Variants in CNST observed in about 807,000 individuals in gnomAD.
CNST encodes consortin.
CNST carries 39 observed loss-of-function variants against 72.4 expected under a neutral mutation model. The ratio of observed to expected loss-of-function variants is 0.54; its 90% CI spans 0.42 to 0.70. The LOEUF is 0.70. Ranked by LOEUF, CNST falls within the 30% of genes least tolerant of loss-of-function variation. The probability of loss-of-function intolerance (pLI) is 0.00; values close to 1 mark genes in which losing one functional copy is unlikely to be tolerated. For missense variants in CNST, 871 were observed against 868.5 expected, an observed-to-expected ratio of 1.00 and a Z score of -0.04; for synonymous variants, 332 against 320.1, an observed-to-expected ratio of 1.04 and a Z score of -0.40.
At chr1:246,659,245 C>G (rs1478529789) in intron 9 of CNST, among the ~76,000 whole-genome samples, 1 of 152,150 alleles carries the variant, frequency 6.6e-6, no homozygotes, top group Non-Finnish European at 1.5e-5. Flanking sequence ...CAAAAGTAGG[C>G]AGCACTGGCC....
intron 2 of CNST, among the ~76,000 whole-genome samples, chr1:246,604,884 GTC>G (rs1468907470): frequency 6.6e-6 from 1 of 152,104 alleles, no homozygotes; most frequent in Non-Finnish European, 1.5e-5. Flanking sequence ...GGCCAGGCTG[GTC>G]TCAGACTCCT....
chr1:246,568,711 G>A (rs2102996431), intron 1 of CNST, among the ~76,000 whole-genome samples: 1 of 152,146 alleles, frequency 6.6e-6, no homozygotes, highest in Middle Eastern at 3.4e-3. Context: ...CGAGTAGCTG[G>A]GATTACAGGC....
At chr1:246,630,358 A>G (rs930283231) in intron 3 of CNST, among the ~76,000 whole-genome samples, 9 of 152,286 alleles carry the variant, frequency 5.9e-5, no homozygotes, top group African/African-American at 1.9e-4. Context: ...TTATTAGAAC[A>G]ATAAGCTGGT....
chr1:246,654,261 C>T (rs1391098501), intron 9 of CNST, among the ~76,000 whole-genome samples: 1 of 152,210 alleles, frequency 6.6e-6, no homozygotes, highest in Non-Finnish European at 1.5e-5. Context: ...CACGTTTGCT[C>T]TTTTCCCTCT....
At position 246,621,528 on chromosome 1, in the gene CNST, A is replaced by G; in HGVS notation, c.479A>G (p.Asn160Ser). ...DDEEAAEVNA[N>S]EQPEAPKLVL... is the part of the protein sequence containing the mutation. ...GAAGAAGCTGCTGAAGTAAATGCTA[A>G]TGAGCAGCCAGAGGCGCCAAAGCTT... Residue 160 changes from asparagine (N) to serine (S), a missense_variant, in exon 3 of 11, where the codon AAT becomes AGT. Physicochemically the swap from Asn to Ser is conservative, Grantham distance 46. Transcript: ENST00000366513. 1 of 1,614,172 alleles carries G rather than the reference A, an allele frequency of 6.2e-7. No homozygotes were observed. The highest frequency in any genetic ancestry group is 8.5e-7 in the Non-Finnish European group (1 of 1,179,988).
chr1:246,586,212 A>G (rs1482819074), intron 1 of CNST, among the ~76,000 whole-genome samples: 1 of 147,236 alleles, frequency 6.8e-6, no homozygotes, highest in Non-Finnish European at 1.5e-5. Flanking sequence ...TTTATTATAT[A>G]GTATATATAA....
At chr1:246,572,367 T>C (rs146247418) in intron 1 of CNST, among the ~76,000 whole-genome samples, 72 of 152,394 alleles carry the variant, frequency 4.7e-4, no homozygotes, top group African/African-American at 1.7e-3. Flanking sequence ...ATACTGCTTA[T>C]ATTTTGATTT....
chr1:246,632,094 A>C (rs1248410450), intron 4 of CNST, among the ~76,000 whole-genome samples, 170 bp downstream of exon 4: 2 of 152,186 alleles, frequency 1.3e-5, no homozygotes, highest in African/African-American at 4.8e-5. Context: ...AAATGTAGGA[A>C]ATTTCTGTCT....
intron 1 of CNST, among the ~76,000 whole-genome samples, chr1:246,571,411 A>G (rs893011763): frequency 3.3e-5 from 5 of 152,134 alleles, no homozygotes; most frequent in African/African-American, 7.2e-5. Flanking sequence ...CAGCCTCCCA[A>G]AGTGCTGGGA....
At position 246,652,498 on chromosome 1, in the gene CNST, G is replaced by A. The variant is rs569248163; in HGVS notation, c.1836+4461G>A. Among the ~76,000 whole-genome samples the A allele has an allele frequency of 3.9e-5, 6 of 152,322 alleles. 1 individual carries two copies. The South Asian group carries it at 1.2e-3, about 32-fold the overall frequency. Reference sequence around the variant, plus strand: ...GTATGTAATTCAGAGGTCCCCTTGTGAGCAGATTTTAGCAACATGATATGC... The same window carrying A: ...GTATGTAATTCAGAGGTCCCCTTGTAAGCAGATTTTAGCAACATGATATGC... On this transcript the variant is annotated intron_variant, in intron 9 of 10. Coordinates refer to ENST00000366513, the MANE Select transcript of CNST (RefSeq NM_152609.3).
At chr1:246,604,504 G>T (rs1662555798) in intron 2 of CNST, among the ~76,000 whole-genome samples, 1 of 152,112 alleles carries the variant, frequency 6.6e-6, no homozygotes, top group African/African-American at 2.4e-5. Flanking sequence ...TAATTGCAAA[G>T]AGAATCTCTG....
chr1:246,622,580 T>A (rs980406512), intron 3 of CNST, among the ~76,000 whole-genome samples: 1 of 152,134 alleles, frequency 6.6e-6, no homozygotes, highest in Non-Finnish European at 1.5e-5. Context: ...GAATAGCTGG[T>A]GACATTGAGA....
intron 1 of CNST, among the ~76,000 whole-genome samples, chr1:246,567,135 T>G (rs2102994600): frequency 6.6e-6 from 1 of 151,864 alleles, no homozygotes. Context: ...TTTTCCTTAA[T>G]TTTTTCAGTT....
intron 1 of CNST, among the ~76,000 whole-genome samples, chr1:246,572,484 T>G (rs1017036526): frequency 6.6e-6 from 1 of 151,022 alleles, no homozygotes; most frequent in Non-Finnish European, 1.5e-5. Flanking sequence ...AAACATTGCC[T>G]AAGATTTTTC....
intron 6 of CNST, 94 bp from the exon 7 acceptor site, chr1:246,641,655 G>A (rs1056278322): frequency 2.7e-6 from 2 of 733,716 alleles, no homozygotes; most frequent in Non-Finnish European, 4.7e-6. Flanking sequence ...CAGAGAAGCT[G>A]TATTTTTTTA....
At chr1:246,629,444 T>G (rs973521665) in intron 3 of CNST, among the ~76,000 whole-genome samples, 6 of 152,232 alleles carry the variant, frequency 3.9e-5, no homozygotes, top group African/African-American at 1.4e-4. Flanking sequence ...TCTGCATAGT[T>G]ACTTTATGGT....
chr1:246,609,136 T>C (rs1572171338), intron 2 of CNST, among the ~76,000 whole-genome samples: 2 of 152,340 alleles, frequency 1.3e-5, no homozygotes, highest in African/African-American at 4.8e-5. Context: ...TAATACATTC[T>C]TTTGGCCCGA....
At chr1:246,642,111 C>G in intron 8 of CNST, 74 bp downstream of exon 8, 3 of 522,146 alleles carry the variant, frequency 5.7e-6, no homozygotes, top group Admixed American at 4.2e-5. Flanking sequence ...AGTGATACAT[C>G]TGAATTGCTG....
In CNST at chr1:246,642,925, G is replaced by A. The variant is rs180910606; in HGVS notation, c.937+888G>A. On this transcript the variant is annotated intron_variant, in intron 8 of 10. Transcript: ENST00000366513. The stretch of plus-strand genomic sequence containing the variant: ...TTTTTTGTTTGAGACAGGGTCTCAC[G>A]CTGTTGCCCAGGCTGGAGTGCAGTG... Among the ~76,000 whole-genome samples, 840 of 146,954 alleles carry A rather than the reference G, an allele frequency of 5.7e-3. 2 individuals carry two copies. Among genetic ancestry groups the A allele is most frequent in the Non-Finnish European group, 7.3e-3 (491 of 66,906 alleles).
Sources: allele counts gnomAD v4.1 joint callset (sites outside exome capture counted in the v4.1 genomes callset), GRCh38; gene constraint gnomAD v4.1.1; transcripts MANE v1.5; gene names NCBI Gene and HGNC (gene_info 2026-07-23, HGNC 2026-07-21).